MAP3K8: variants seen among roughly 807,000 people sequenced by gnomAD.
MAP3K8 encodes Ewing sarcoma transformant.
Under a neutral mutation model 45.8 loss-of-function variants are expected in MAP3K8, and 22 were observed. That is an observed-to-expected ratio of 0.48 (90% CI 0.34 to 0.69). The LOEUF (loss-of-function observed/expected upper bound fraction) is 0.69, where lower values mean the gene tolerates loss of function less well. Ranked by LOEUF, MAP3K8 falls within the 30% of genes least tolerant of loss-of-function variation. MAP3K8 has a pLI of 0.01. For missense variants in MAP3K8, 419 were observed against 585.0 expected, an observed-to-expected ratio of 0.72 and a Z score of 2.93; for synonymous variants, 223 against 214.3, an observed-to-expected ratio of 1.04 and a Z score of -0.36.
In MAP3K8 at chr10:30,461,362, T is replaced by C. The variant is rs548686606; in HGVS notation, c.*526T>C. On this transcript the variant is annotated 3_prime_UTR_variant, in exon 9 of 9. Coordinates refer to ENST00000263056, the MANE Select transcript of MAP3K8 (RefSeq NM_005204.4). ...AGATTGTAGCAATAAGCTGGACTAG[T>C]GTCCTAAAAATGGCTAACTGATGAA... 62 of 208,656 alleles carry C rather than the reference T, an allele frequency of 3.0e-4. No homozygotes were observed. The highest frequency in any genetic ancestry group is 1.2e-3 in the African/African-American group (54 of 44,140). 12.9% of individuals were successfully genotyped at this position (208,656 alleles called of 1,614,324 possible).
In MAP3K8 at chr10:30,460,868, C is replaced by T. The variant is rs755076768; in HGVS notation, c.*32C>T. The T allele has an allele frequency of 1.2e-6, 2 of 1,610,484 alleles. No homozygotes were observed. The highest frequency in any genetic ancestry group is 1.7e-6 in the Non-Finnish European group (2 of 1,179,396). ...CCATGTTTGCTCTAAATTAAGACAG[C>T]ATTGATCTCCTGGAGGCTGGTTCTG... On this transcript the variant is annotated 3_prime_UTR_variant, in exon 9 of 9. Transcript: ENST00000263056.
intron 6 of MAP3K8, among the ~76,000 whole-genome samples, chr10:30,454,948 A>G (rs1036538087): frequency 6.6e-6 from 1 of 152,182 alleles, no homozygotes; most frequent in Non-Finnish European, 1.5e-5. Context: ...CAAACTATTT[A>G]TGGTATTAAA....
intron 8 of MAP3K8, 148 bp from the exon 9 acceptor site, chr10:30,460,558 A>T: frequency 1.8e-6 from 1 of 556,550 alleles, no homozygotes; most frequent in Non-Finnish European, 3.0e-6. Context: ...ATATTATGTG[A>T]ACTTAGCCAT....
chr10:30,459,629 T>A, intron 8 of MAP3K8, 128 bp downstream of exon 8: 1 of 1,119,876 alleles, frequency 8.9e-7, no homozygotes, highest in Non-Finnish European at 1.3e-6. Context: ...ATACCTTGCT[T>A]GAGAAATTTC....
chr10:30,435,629 T>A (rs1228855584), intron 1 of MAP3K8, among the ~76,000 whole-genome samples: 4 of 152,240 alleles, frequency 2.6e-5, no homozygotes, highest in South Asian at 2.1e-4. Flanking sequence ...CTCGGCTCAC[T>A]GCAACCTCCA....
At chr10:30,455,141 A>AG (rs750497840) in intron 6 of MAP3K8, among the ~76,000 whole-genome samples, 149 of 152,270 alleles carry the variant, frequency 9.8e-4, no homozygotes, top group Non-Finnish European at 1.7e-3. Context: ...GCTTTTTGTG[A>AG]AGTGCAAAAC....
intron 4 of MAP3K8, among the ~76,000 whole-genome samples, chr10:30,449,555 AC>A (rs1399221991): frequency 1.3e-5 from 2 of 152,234 alleles, no homozygotes; most frequent in Non-Finnish European, 2.9e-5. Flanking sequence ...AAAATAAAAT[AC>A]ACTCACTTTT....
At chr10:30,459,017 C>T (rs1306132194) in intron 7 of MAP3K8, among the ~76,000 whole-genome samples, 3 of 152,070 alleles carry the variant, frequency 2.0e-5, no homozygotes, top group Non-Finnish European at 4.4e-5. Flanking sequence ...TTCGAGGCTA[C>T]GGTGAGTTGT....
chr10:30,448,417 A>G (rs4749557), intron 4 of MAP3K8, among the ~76,000 whole-genome samples: 1 of 81,318 alleles, frequency 1.2e-5, no homozygotes, highest in Non-Finnish European at 2.4e-5. Context: ...TCCCAAATTT[A>G]TTATTATTAT....
chr10:30,452,036 C>T (rs1410859047), intron 6 of MAP3K8, among the ~76,000 whole-genome samples: 1 of 151,984 alleles, frequency 6.6e-6, no homozygotes, highest in Non-Finnish European at 1.5e-5. Flanking sequence ...AATGTCATGT[C>T]AAAATAGATC....
At position 30,434,329 on chromosome 10, in the gene MAP3K8, G is replaced by C. The variant is rs1835842503; in HGVS notation, c.-304G>C. On this transcript the variant is annotated 5_prime_UTR_variant, in exon 1 of 9. Coordinates refer to ENST00000263056, the MANE Select transcript of MAP3K8 (RefSeq NM_005204.4). ...CAGCCAGCATCGCACCGAACCTTCGGGGGGCCGCGGCTGGAGCGCTCGGCC... is the reference window on the plus strand; with the variant it reads ...CAGCCAGCATCGCACCGAACCTTCGCGGGGCCGCGGCTGGAGCGCTCGGCC... 1 of 465,008 alleles carries C rather than the reference G, an allele frequency of 2.2e-6. No individual in the cohort carries two copies. Among genetic ancestry groups the C allele is most frequent in the Admixed American group, 6.4e-5 (1 of 15,662 alleles). The allele number at this position is 465,008 out of a possible 1,614,324, so 28.8% of individuals were successfully genotyped here.
chr10:30,440,672 C>G (rs1468184698), intron 3 of MAP3K8, among the ~76,000 whole-genome samples: 1 of 152,092 alleles, frequency 6.6e-6, no homozygotes, highest in Non-Finnish European at 1.5e-5. Context: ...GAAGCCATAT[C>G]TGATTTTCCC....
chr10:30,459,545 T>A, intron 8 of MAP3K8, 44 bp downstream of exon 8: 1 of 1,606,256 alleles, frequency 6.2e-7, no homozygotes, highest in Non-Finnish European at 8.5e-7. Flanking sequence ...TTCCCTTCTC[T>A]TTCTGTCCAC....
In MAP3K8 at chr10:30,460,947, G is replaced by A. The variant is rs1423752194; in HGVS notation, c.*111G>A. On this transcript the variant is annotated 3_prime_UTR_variant, in exon 9 of 9. Transcript: ENST00000263056. Reference sequence around the variant, plus strand: ...GAATGGTGCCATTTTCGAAGGAGCAGTGTGACCTCCTGTGACCCGTGAATG... The same window carrying A: ...GAATGGTGCCATTTTCGAAGGAGCAATGTGACCTCCTGTGACCCGTGAATG... 4 of 1,396,502 alleles carry A rather than the reference G, an allele frequency of 2.9e-6. No homozygotes were observed. The highest frequency in any genetic ancestry group is 2.2e-5 in the Admixed American group (1 of 45,086). 86.5% of individuals were successfully genotyped at this position (1,396,502 alleles called of 1,614,324 possible).
At chr10:30,442,255 T>C (rs1053758622) in intron 3 of MAP3K8, among the ~76,000 whole-genome samples, 2 of 152,232 alleles carry the variant, frequency 1.3e-5, no homozygotes, top group Non-Finnish European at 2.9e-5. Flanking sequence ...ACAGGCAGGA[T>C]ACTTTACATA....
In MAP3K8 at chr10:30,439,168, G is replaced by A. The variant is rs549474; in HGVS notation, c.230G>A (p.Arg77Lys). ...GAGGTACCATGGTTGTCATCAGTCA[G>A]ATATGGAACTGTGGAGGATTTGCTT... ...GQEVPWLSSV[R>K]YGTVEDLLAF... The change falls in exon 3 of 9, where the codon AGA (arginine) becomes AAA (lysine). Residue 77 changes from arginine (R) to lysine (K), a missense_variant. Arg to Lys is a conservative substitution (Grantham distance 26). This residue lies in a region of MAP3K8 where 102 missense variants were observed against 93.5 expected (regional missense o/e 1.09). Coordinates refer to ENST00000263056, the MANE Select transcript of MAP3K8 (RefSeq NM_005204.4). 1 of 1,614,192 alleles carries A rather than the reference G, an allele frequency of 6.2e-7. No individual in the cohort carries two copies. Among genetic ancestry groups the A allele is most frequent in the African/African-American group, 1.3e-5 (1 of 75,052 alleles).
In MAP3K8 at chr10:30,437,393, G is replaced by T. The variant is rs1006326456; in HGVS notation, c.-37G>T. The stretch of plus-strand genomic sequence containing the variant: ...GAGCTTGAACTCTGTTAATCCTCAC[G>T]ACCACCTCATGAGGTAGGTGCTGTT... On this transcript the variant is annotated 5_prime_UTR_variant, in exon 2 of 9. Transcript: ENST00000263056. 7 of 789,670 alleles carry T rather than the reference G, an allele frequency of 8.9e-6. No individual in the cohort carries two copies. In the African/African-American group the frequency reaches 1.3e-4, roughly 15 times the overall value. 48.9% of individuals were successfully genotyped at this position (789,670 alleles called of 1,614,324 possible).
intron 5 of MAP3K8, 143 bp downstream of exon 5, chr10:30,450,662 A>T: frequency 1.5e-6 from 1 of 677,854 alleles, no homozygotes; most frequent in Non-Finnish European, 2.5e-6. Context: ...TTCTCCAGAG[A>T]CATATCTTAG....
At chr10:30,434,677 G>A (rs1212880179) in intron 1 of MAP3K8, 2 of 985,530 alleles carry the variant, frequency 2.0e-6, no homozygotes, top group East Asian at 2.3e-4. Flanking sequence ...CGGGGAAGCG[G>A]GGACCCGCTG....
Sources: allele counts gnomAD v4.1 joint callset (sites outside exome capture counted in the v4.1 genomes callset), GRCh38; gene constraint gnomAD v4.1.1; regional missense constraint gnomAD v4.1.1; transcripts MANE v1.5; gene names NCBI Gene and HGNC (gene_info 2026-07-23, HGNC 2026-07-21).